Variants in RANBP9 observed in about 807,000 individuals in gnomAD.
RANBP9 encodes ran-binding protein 9.
Under a neutral mutation model 84.3 loss-of-function variants are expected in RANBP9, and 15 were observed. The observed-to-expected ratio is 0.18, with a 90% CI of 0.12 to 0.27. The LOEUF (loss-of-function observed/expected upper bound fraction) is 0.27. Ranked by LOEUF, RANBP9 falls within the 10% of genes least tolerant of loss-of-function variation. RANBP9 has a pLI of 1.00. For synonymous variants in RANBP9, 392 were observed against 349.6 expected (o/e 1.12, Z -1.35); for missense variants, 809 against 912.8 (o/e 0.89, Z 1.46).
chr6:13,691,625 A>T (rs1161294572), intron 2 of RANBP9, among the ~76,000 whole-genome samples: 2 of 152,016 alleles, frequency 1.3e-5, no homozygotes, highest in African/African-American at 4.8e-5. Flanking sequence ...TGGGATAAAC[A>T]CTGTTTAAAA....
At chr6:13,634,682 G>A (rs1764891655) in intron 10 of RANBP9, 130 bp from the exon 11 acceptor site, 10 of 918,156 alleles carry the variant, frequency 1.1e-5, no homozygotes, top group Non-Finnish European at 1.5e-5. Context: ...TGCAAAAAAG[G>A]TATTTAGTTA....
intron 3 of RANBP9, among the ~76,000 whole-genome samples, chr6:13,658,318 C>T (rs998229023): frequency 1.3e-5 from 2 of 151,974 alleles, no homozygotes; most frequent in Non-Finnish European, 2.9e-5. Flanking sequence ...TATTAAAAAC[C>T]GCTCAGCAGG....
chr6:13,668,244 A>G (rs1765696158), intron 2 of RANBP9, among the ~76,000 whole-genome samples: 1 of 152,128 alleles, frequency 6.6e-6, no homozygotes, highest in Admixed American at 6.5e-5. Context: ...CTGCATAGTA[A>G]TTTTAAAACA....
At chr6:13,670,672 C>T (rs572075132) in intron 2 of RANBP9, among the ~76,000 whole-genome samples, 21 of 151,028 alleles carry the variant, frequency 1.4e-4, no homozygotes, top group Admixed American at 3.3e-4. Context: ...TGGTGGTGGG[C>T]GCCTGTAGTC....
chr6:13,690,232 A>G (rs1562319873), intron 2 of RANBP9, among the ~76,000 whole-genome samples: 1 of 152,228 alleles, frequency 6.6e-6, no homozygotes, highest in African/African-American at 2.4e-5. Context: ...ACAAATCAAT[A>G]AAATAATTTC....
intron 5 of RANBP9, among the ~76,000 whole-genome samples, chr6:13,651,402 G>GTTT (rs58265160): frequency 1.3e-5 from 2 of 148,252 alleles, no homozygotes; most frequent in Admixed American, 6.7e-5. Context: ...TTGTTTTTTT[G>GTTT]TTTTTTTTTT....
chr6:13,697,784 A>G (rs2113359001), intron 1 of RANBP9, among the ~76,000 whole-genome samples: 1 of 152,360 alleles, frequency 6.6e-6, no homozygotes. Flanking sequence ...ATAGAGTATG[A>G]GTGAGACAAG....
intron 7 of RANBP9, 93 bp from the exon 8 acceptor site, chr6:13,641,400 T>C: frequency 2.9e-6 from 2 of 695,238 alleles, no homozygotes; most frequent in African/African-American, 1.9e-5. Flanking sequence ...GTAAGAAATC[T>C]TTAAATAAAT....
chr6:13,630,999 C>G (rs1017002858), intron 12 of RANBP9, among the ~76,000 whole-genome samples: 4 of 151,960 alleles, frequency 2.6e-5, no homozygotes, highest in Non-Finnish European at 5.9e-5. Flanking sequence ...TTAGTAGAGA[C>G]GGGGTTTCAC....
intron 1 of RANBP9, among the ~76,000 whole-genome samples, chr6:13,701,607 T>C (rs1233559631): frequency 6.6e-6 from 1 of 151,766 alleles, no homozygotes; most frequent in Admixed American, 6.6e-5. Context: ...CCATCTCCAC[T>C]AAAAATACAA....
chr6:13,697,027 CAATA>C (rs1304893696), intron 1 of RANBP9, 131 bp from the exon 2 acceptor site: 1 of 616,458 alleles, frequency 1.6e-6, no homozygotes, highest in East Asian at 3.0e-5. Context: ...TTCAAATACT[CAATA>C]AAACGTTTAT....
chr6:13,640,032 ATTT>A (rs978666932), intron 8 of RANBP9, among the ~76,000 whole-genome samples: 2 of 152,054 alleles, frequency 1.3e-5, no homozygotes, highest in Non-Finnish European at 2.9e-5. Context: ...TATGAACCCC[ATTT>A]TTTTGGCTAC....
At chr6:13,685,850 G>C (rs544305713) in intron 2 of RANBP9, among the ~76,000 whole-genome samples, 70 of 150,934 alleles carry the variant, frequency 4.6e-4, no homozygotes, top group African/African-American at 1.6e-3. Flanking sequence ...AGAATTGCTT[G>C]AACCTGGGAA....
At chr6:13,685,170 T>G (rs1441778762) in intron 2 of RANBP9, among the ~76,000 whole-genome samples, 1 of 152,174 alleles carries the variant, frequency 6.6e-6, no homozygotes, top group Non-Finnish European at 1.5e-5. Flanking sequence ...AAATCTTTCC[T>G]ACGGAAATAA....
intron 5 of RANBP9, among the ~76,000 whole-genome samples, chr6:13,652,117 G>C (rs1348144918): frequency 6.6e-6 from 1 of 152,040 alleles, no homozygotes; most frequent in Non-Finnish European, 1.5e-5. Context: ...TCCTACCGTT[G>C]GTATTCCCAT....
intron 7 of RANBP9, among the ~76,000 whole-genome samples, chr6:13,642,023 C>T (rs543813143): frequency 6.6e-6 from 1 of 152,216 alleles, no homozygotes; most frequent in African/African-American, 2.4e-5. Context: ...TTATACAGGA[C>T]CTGTTTTATC....
rs1356866838 is a variant in RANBP9 at position 13,650,240 on chromosome 6, G to A, written c.927+2419C>T. Reference sequence around the variant, plus strand: ...GGTGTTGAACTCCTGGCCTCAAGCAGTCCTCCCACCTCAGACACCCAGAGC... The same window carrying A: ...GGTGTTGAACTCCTGGCCTCAAGCAATCCTCCCACCTCAGACACCCAGAGC... On this transcript the variant is annotated intron_variant, in intron 5 of 13. Transcript: ENST00000011619. Among the ~76,000 whole-genome samples, 37 of 150,664 alleles carry A rather than the reference G, an allele frequency of 2.5e-4. 1 individual carries two copies. The highest frequency in any genetic ancestry group is 2.4e-3 in the Admixed American group (36 of 15,106).
chr6:13,693,193 G>A (rs1206803808), intron 2 of RANBP9, among the ~76,000 whole-genome samples: 1 of 152,186 alleles, frequency 6.6e-6, no homozygotes, highest in Admixed American at 6.5e-5. Flanking sequence ...AAAGGGATAA[G>A]AGAAGGTGAA....
chr6:13,662,244 G>A (rs1389750719), intron 2 of RANBP9, among the ~76,000 whole-genome samples: 3 of 152,032 alleles, frequency 2.0e-5, no homozygotes, highest in Non-Finnish European at 2.9e-5. Flanking sequence ...ACAATTACCC[G>A]ACATACAAAG....
Sources: gnomAD v4.1 joint callset for allele counts (sites outside exome capture counted in the v4.1 genomes callset) on GRCh38, gnomAD v4.1.1 for gene constraint, MANE v1.5 for transcripts, NCBI Gene and HGNC (gene_info 2026-07-23, HGNC 2026-07-21) for gene names.